The following FARS2 variants were observed in gnomAD, a reference collection of about 807,000 sequenced individuals.
FARS2 encodes phenylalanyl-tRNA synthetase 2, mitochondrial, also known as phenylalanine--tRNA ligase, mitochondrial.
In FARS2, 40 loss-of-function variants were observed where a neutral mutation model predicts 46.4. The observed-to-expected ratio is 0.86, with a 90% CI of 0.67 to 1.12. FARS2 has a LOEUF of 1.12. Ranked by LOEUF, FARS2 falls within the 50% of genes most tolerant of loss-of-function variation. The pLI is 0.00. For synonymous variants in FARS2, 234 were observed against 214.9 expected (o/e 1.09, Z -0.78); for missense variants, 513 against 567.9 (o/e 0.90, Z 0.98).
chr6:5,368,421 G>A, intron 1 of FARS2, 129 bp from the exon 2 acceptor site: 1 of 735,038 alleles, frequency 1.4e-6, no homozygotes. Flanking sequence ...GGCTCTTTCA[G>A]CTGTGTGGAG....
intron 4 of FARS2, among the ~76,000 whole-genome samples, chr6:5,439,048 C>T (rs1337821451): frequency 6.6e-6 from 1 of 152,120 alleles, no homozygotes; most frequent in Non-Finnish European, 1.5e-5. Flanking sequence ...CTGGTGAGCT[C>T]TAGGCTTTGA....
the FARS2 span, among the ~76,000 whole-genome samples, chr6:5,253,515 T>A: frequency 6.6e-6 from 1 of 152,336 alleles, no homozygotes; most frequent in South Asian, 2.1e-4. Flanking sequence ...AGCAATTTTC[T>A]TATTTGAGCT....
chr6:5,595,292 G>C (rs989589652), intron 5 of FARS2, among the ~76,000 whole-genome samples: 1 of 152,116 alleles, frequency 6.6e-6, no homozygotes, highest in African/African-American at 2.4e-5. Flanking sequence ...CTTGTGCCTA[G>C]GAGGTCTACC....
intron 6 of FARS2, among the ~76,000 whole-genome samples, chr6:5,697,567 T>G (rs1224681744): frequency 6.6e-6 from 1 of 152,248 alleles, no homozygotes; most frequent in Non-Finnish European, 1.5e-5. Flanking sequence ...TGACCCTGTC[T>G]GATGCAAGAA....
At chr6:5,419,725 G>A (rs1378524208) in intron 3 of FARS2, among the ~76,000 whole-genome samples, 3 of 152,104 alleles carry the variant, frequency 2.0e-5, no homozygotes, top group Non-Finnish European at 4.4e-5. Context: ...CTGCATTTGG[G>A]TGACAGTATT....
At chr6:5,398,039 G>A (rs1048884858) in intron 2 of FARS2, among the ~76,000 whole-genome samples, 2 of 152,148 alleles carry the variant, frequency 1.3e-5, no homozygotes, top group African/African-American at 4.8e-5. Flanking sequence ...TGAAGAACGT[G>A]GTGGTGATAT....
At chr6:5,338,206 T>A (rs994281389) in intron 1 of FARS2, among the ~76,000 whole-genome samples, 1 of 152,160 alleles carries the variant, frequency 6.6e-6, no homozygotes, top group Non-Finnish European at 1.5e-5. Flanking sequence ...AGTTTGGATT[T>A]TTTCCACTAG....
intron 6 of FARS2, among the ~76,000 whole-genome samples, chr6:5,691,819 G>A (rs1757748363): frequency 6.6e-6 from 1 of 152,226 alleles, no homozygotes; most frequent in African/African-American, 2.4e-5. Flanking sequence ...ACCTCCTTGA[G>A]CTGCAGTGGG....
At chr6:5,486,005 C>G (rs1001689803) in intron 4 of FARS2, among the ~76,000 whole-genome samples, 1 of 152,194 alleles carries the variant, frequency 6.6e-6, no homozygotes, top group East Asian at 1.9e-4. Context: ...CACTGCTAAC[C>G]TTGGGGACTT....
At position 5,387,010 on chromosome 6, in the gene FARS2, T is replaced by G. The variant is rs570116009; in HGVS notation, c.613-17532T>G. Among the ~76,000 whole-genome samples, 7 of 152,084 alleles carry G rather than the reference T, an allele frequency of 4.6e-5. No individual in the cohort carries two copies. In the South Asian group the frequency reaches 1.5e-3, roughly 32 times the overall value. ...AAACGAGTCCCTTGGCGTACAAATA[T>G]TTAGTGACAGTGGAAGGAAGGGAAG... On this transcript the variant is annotated intron_variant, in intron 2 of 6. Coordinates refer to ENST00000274680, the MANE Select transcript of FARS2 (RefSeq NM_006567.5).
chr6:5,703,781 C>A (rs1005521), intron 6 of FARS2, among the ~76,000 whole-genome samples: 51,264 of 152,036 alleles, frequency 0.34, 9,392 homozygotes, highest in East Asian at 0.69. Context: ...CCAGCTCTTG[C>A]TGTTCAGTCC....
intron 4 of FARS2, among the ~76,000 whole-genome samples, chr6:5,475,393 A>T (rs1342210603): frequency 6.6e-6 from 1 of 152,234 alleles, no homozygotes; most frequent in Non-Finnish European, 1.5e-5. Context: ...GAGCCAGATT[A>T]CGGAGGACCT....
intron 1 of FARS2, among the ~76,000 whole-genome samples, chr6:5,297,880 G>A (rs572835490): frequency 1.3e-5 from 2 of 152,212 alleles, no homozygotes; most frequent in East Asian, 1.9e-4. Flanking sequence ...GCAAATATGC[G>A]TTGGTTCCTG....
At position 5,341,213 on chromosome 6, in the gene FARS2, ATATATATATATATATATATATATTTTTTT is replaced by A. The variant is rs1401464399; in HGVS notation, c.-21-27335_-21-27307del. Among the ~76,000 whole-genome samples the A allele has an allele frequency of 8.2e-3, 131 of 15,920 alleles. 6 individuals carry two copies. The highest frequency in any genetic ancestry group is 0.043 in the African/African-American group (121 of 2,818). The allele number at this position is 15,920 out of a possible 152,430, so 10.4% of individuals were successfully genotyped here. A position where few individuals can be genotyped will look rare whatever the true frequency, so the allele number is the denominator to read the frequency against. ...GATATATATATATATATATATATAT[ATATATATATATATATATATATATTTTTTT>A]TTTTTTTTTTTTTTTCCCTGTGAGA... On this transcript the variant is annotated intron_variant, in intron 1 of 6. Transcript: ENST00000274680.
chr6:5,385,770 G>A (rs1197431604), intron 2 of FARS2, among the ~76,000 whole-genome samples: 2 of 152,094 alleles, frequency 1.3e-5, no homozygotes, highest in Non-Finnish European at 2.9e-5. Context: ...GTTTAGCAGT[G>A]ATTCTTATTT....
At chr6:5,289,580 G>C (rs542447898) in intron 1 of FARS2, among the ~76,000 whole-genome samples, 2 of 152,320 alleles carry the variant, frequency 1.3e-5, no homozygotes, top group African/African-American at 4.8e-5. Context: ...CTAATGAGAG[G>C]CTGAAGTGAA....
At chr6:5,336,880 G>C (rs944028463) in intron 1 of FARS2, among the ~76,000 whole-genome samples, 1 of 151,980 alleles carries the variant, frequency 6.6e-6, no homozygotes, top group African/African-American at 2.4e-5. Context: ...AAATTTTCAT[G>C]TGGTCAAATG....
chr6:5,611,532 G>T (rs1775185355), intron 5 of FARS2, among the ~76,000 whole-genome samples: 1 of 152,068 alleles, frequency 6.6e-6, no homozygotes, highest in Admixed American at 6.6e-5. Flanking sequence ...AAAAACAAAG[G>T]CCACTAGTAG....
intron 6 of FARS2, among the ~76,000 whole-genome samples, chr6:5,646,137 G>A (rs1777062868): frequency 6.7e-6 from 1 of 150,258 alleles, no homozygotes; most frequent in Non-Finnish European, 1.5e-5. Flanking sequence ...GATAAGAGAG[G>A]GAGCAGCAGG....
Sources: gnomAD v4.1 joint callset for allele counts (sites outside exome capture counted in the v4.1 genomes callset) on GRCh38, gnomAD v4.1.1 for gene constraint, MANE v1.5 for transcripts, NCBI Gene and HGNC (gene_info 2026-07-23, HGNC 2026-07-21) for gene names.